The following TGFBR1 variants were observed in gnomAD, a reference collection of about 807,000 sequenced individuals.
TGFBR1 encodes TGF-beta receptor type-1.
In TGFBR1, 20 loss-of-function variants were observed where a neutral mutation model predicts 55.1. The observed-to-expected ratio is 0.36, with a 90% CI of 0.26 to 0.53. TGFBR1 has a LOEUF of 0.53. TGFBR1 is among the 20% of genes least tolerant of loss of function. The pLI, the probability that TGFBR1 is intolerant of heterozygous loss-of-function variation, is 0.91. For missense variants in TGFBR1, 385 were observed against 617.6 expected (o/e 0.62, Z 3.99); for synonymous variants, 220 against 214.8 (o/e 1.02, Z -0.21).
chr9:99,105,036 CG>C (rs946756632), upstream of TGFBR1: 15 of 429,842 alleles, frequency 3.5e-5, no homozygotes, highest in Non-Finnish European at 4.8e-5. Context: ...GGCGGGGAGG[CG>C]GGGCCGGCGG....
chr9:99,106,966 G>A (rs936304594), intron 1 of TGFBR1, among the ~76,000 whole-genome samples: 4 of 152,180 alleles, frequency 2.6e-5, no homozygotes, highest in Non-Finnish European at 5.9e-5. Context: ...AGTATAGTTA[G>A]GCATGAAACA....
intron 2 of TGFBR1, among the ~76,000 whole-genome samples, chr9:99,129,671 G>A (rs563978151): frequency 6.6e-6 from 1 of 152,270 alleles, no homozygotes; most frequent in South Asian, 2.1e-4. Flanking sequence ...GGCCTGAGGT[G>A]GGCAGATCAC....
chr9:99,138,142 C>T (rs1827500954), intron 4 of TGFBR1, 53 bp downstream of exon 4: 4 of 1,491,358 alleles, frequency 2.7e-6, no homozygotes, highest in Admixed American at 3.4e-5. Flanking sequence ...CTCTTTAAGT[C>T]TTTACAGATA....
At chr9:99,146,640 G>C (rs199873851) in intron 7 of TGFBR1, 31 bp downstream of exon 7, 9 of 1,613,560 alleles carry the variant, frequency 5.6e-6, no homozygotes, top group Non-Finnish European at 7.6e-6. Flanking sequence ...CCAGTAGTTT[G>C]TCATGAGCAG....
intron 4 of TGFBR1, among the ~76,000 whole-genome samples, chr9:99,140,846 C>T (rs936988246): frequency 6.6e-6 from 1 of 152,212 alleles, no homozygotes; most frequent in African/African-American, 2.4e-5. Context: ...ACAAACACAG[C>T]AGCACAAAAT....
At chr9:99,108,812 G>A (rs1826485500) in intron 1 of TGFBR1, among the ~76,000 whole-genome samples, 1 of 152,150 alleles carries the variant, frequency 6.6e-6, no homozygotes, top group African/African-American at 2.4e-5. Context: ...ATAGTACATA[G>A]CTGGAAACAA....
chr9:99,151,737 T>C lies in TGFBR1; in HGVS notation c.*2432T>C, dbSNP rs1254254195. On this transcript the variant is annotated 3_prime_UTR_variant, in exon 9 of 9. Transcript: ENST00000374994. Reference sequence around the variant, plus strand: ...TTACGTATTACTGCAGTTAATTCCTTTTTTGGCTAGGGATGGTTTGATAAA... The same window carrying C: ...TTACGTATTACTGCAGTTAATTCCTCTTTTGGCTAGGGATGGTTTGATAAA... 4.5e-6 allele frequency: 1 copy of C among 221,284 alleles called. No individual in the cohort carries two copies. The highest frequency in any genetic ancestry group is 6.6e-5 in the East Asian group (1 of 15,044). 13.7% of individuals were successfully genotyped at this position (221,284 alleles called of 1,614,324 possible). A position where few individuals can be genotyped will look rare whatever the true frequency, so the allele number is the denominator to read the frequency against.
chr9:99,104,948 C>T, upstream of TGFBR1: 1 of 179,136 alleles, frequency 5.6e-6, no homozygotes, highest in Non-Finnish European at 1.2e-5. Context: ...CAGAAACCGG[C>T]GCTCGCGGCT....
rs1292650185 is a variant in TGFBR1 at position 99,132,903 on chromosome 9, T to C, written c.574+164T>C. 2.6e-5 allele frequency among the ~76,000 whole-genome samples: 4 copies of C among 152,330 alleles called. No homozygotes were observed. In the East Asian group the frequency reaches 7.7e-4, roughly 29 times the overall value. The stretch of plus-strand genomic sequence containing the variant: ...TCTTTAAGCTTGATGTATATATGAC[T>C]GTGGCTGGTTTAAAATAGATTGGAA... On this transcript the variant is annotated intron_variant, in intron 3 of 8. Transcript: ENST00000374994.
intron 4 of TGFBR1, among the ~76,000 whole-genome samples, chr9:99,140,141 T>C (rs1028610864): frequency 2.0e-5 from 3 of 152,142 alleles, no homozygotes; most frequent in African/African-American, 7.2e-5. Context: ...CCTGACAATG[T>C]AATACCTCTT....
At chr9:99,141,600 C>G (rs1827617601) in intron 4 of TGFBR1, among the ~76,000 whole-genome samples, 1 of 152,186 alleles carries the variant, frequency 6.6e-6, no homozygotes, top group Non-Finnish European at 1.5e-5. Context: ...CAGTAACAGG[C>G]AGGCCGTGGA....
intron 1 of TGFBR1, among the ~76,000 whole-genome samples, chr9:99,120,249 T>C (rs749347322): frequency 6.6e-6 from 1 of 152,196 alleles, no homozygotes; most frequent in Non-Finnish European, 1.5e-5. Flanking sequence ...TTCCATCAAC[T>C]TAACTACCAT....
At chr9:99,109,103 G>A (rs888692194) in intron 1 of TGFBR1, among the ~76,000 whole-genome samples, 1 of 152,144 alleles carries the variant, frequency 6.6e-6, no homozygotes, top group Non-Finnish European at 1.5e-5. Flanking sequence ...TGGCATCCAC[G>A]AAGGGATGAG....
chr9:99,154,189 C>G lies in TGFBR1; in HGVS notation c.*4884C>G, dbSNP rs1317562621. On this transcript the variant is annotated 3_prime_UTR_variant, in exon 9 of 9. Coordinates refer to ENST00000374994, the MANE Select transcript of TGFBR1 (RefSeq NM_004612.4). ...AAGTGAAATTAAAGACATTCCCAGA[C>G]AAATACTAAGACAATTTGTTGCCTA... 2 of 217,478 alleles carry G rather than the reference C, an allele frequency of 9.2e-6. No homozygotes were observed. The highest frequency in any genetic ancestry group is 1.2e-4 in the Admixed American group (2 of 17,224). The allele number at this position is 217,478 out of a possible 1,614,324, so 13.5% of individuals were successfully genotyped here. A position where few individuals can be genotyped will look rare whatever the true frequency, so the allele number is the denominator to read the frequency against.
chr9:99,135,575 G>A (rs769691773), intron 3 of TGFBR1, among the ~76,000 whole-genome samples: 11 of 152,208 alleles, frequency 7.2e-5, no homozygotes, highest in Non-Finnish European at 1.6e-4. Context: ...GCAGCTGTAC[G>A]CCAAGTGTGT....
At chr9:99,134,817 TA>T in intron 3 of TGFBR1, among the ~76,000 whole-genome samples, 1 of 67,210 alleles carries the variant, frequency 1.5e-5, no homozygotes, top group Non-Finnish European at 3.2e-5. Flanking sequence ...TATATATATA[TA>T]TATATATATA....
Position 99,149,265 on chromosome 9 carries a change from C to T in TGFBR1, c.1472C>T (p.Thr491Ile). Residue 491 changes from threonine (T) to isoleucine (I), a missense_variant, in exon 9 of 9, where the codon ACA (threonine) becomes ATA (isoleucine). This residue lies in a region of TGFBR1 where 110 missense variants were observed against 154.6 expected (regional missense o/e 0.71). Coordinates refer to ENST00000374994, the MANE Select transcript of TGFBR1 (RefSeq NM_004612.4). Reference sequence around the variant, plus strand: ...CTTACAGCATTGCGGATTAAGAAAACATTATCGCAACTCAGTCAACAGGAA... The same window carrying T: ...CTTACAGCATTGCGGATTAAGAAAATATTATCGCAACTCAGTCAACAGGAA... ...ARLTALRIKK[T>I]LSQLSQQEGI... 1.2e-6 allele frequency: 2 copies of T among 1,613,676 alleles called. No homozygotes were observed. Among genetic ancestry groups the T allele is most frequent in the Non-Finnish European group, 1.7e-6 (2 of 1,179,846 alleles).
At chr9:99,144,993 T>C (rs1827746941) in intron 6 of TGFBR1, 105 bp downstream of exon 6, 2 of 1,311,874 alleles carry the variant, frequency 1.5e-6, no homozygotes, top group Non-Finnish European at 1.1e-6. Context: ...ACTTGCACTT[T>C]ATTAGATTGC....
intron 1 of TGFBR1, among the ~76,000 whole-genome samples, chr9:99,120,332 G>A (rs1826862458): frequency 6.6e-6 from 1 of 152,170 alleles, no homozygotes; most frequent in Non-Finnish European, 1.5e-5. Context: ...CTTAGATTGA[G>A]AGGAAATAAG....
Sources: allele counts gnomAD v4.1 joint callset (sites outside exome capture counted in the v4.1 genomes callset), GRCh38; gene constraint gnomAD v4.1.1; regional missense constraint gnomAD v4.1.1; transcripts MANE v1.5; gene names NCBI Gene and HGNC (gene_info 2026-07-23, HGNC 2026-07-21).